KCNK16: variants seen among roughly 807,000 people sequenced by gnomAD.
KCNK16 encodes the protein potassium channel subfamily K member 16.
In KCNK16, 23 loss-of-function variants were observed where a neutral mutation model predicts 23.0. The ratio of observed to expected loss-of-function variants is 1.00; its 90% CI spans 0.72 to 1.41. The LOEUF is 1.41. Ranked by LOEUF, KCNK16 falls within the 40% of genes most tolerant of loss-of-function variation. The pLI is 0.00. For missense variants in KCNK16, 327 were observed against 365.8 expected (o/e 0.89, Z 0.87); for synonymous variants, 145 against 153.5 (o/e 0.94, Z 0.41).
chr6:39,317,791 A>T lies in KCNK16; in HGVS notation c.490T>A (p.Ser164Thr). The change falls in exon 3 of 5, where the codon TCC becomes ACC. Residue 164 changes from serine to threonine, a missense_variant. Transcript: ENST00000437525. ...IERWEDRPRR[S>T]QVLQVLGLAL... is the part of the protein sequence containing the mutation. ...AAGGGAGTTAGGGGGCATACCTGGG[A>T]GCGCCTGGGACGGTCCTCCCATCTT... The T allele has an allele frequency of 1.3e-6, 2 of 1,591,922 alleles. No individual in the cohort carries two copies. Among genetic ancestry groups the T allele is most frequent in the Non-Finnish European group, 1.7e-6 (2 of 1,169,286 alleles).
Position 39,316,176 on chromosome 6 carries a change from AC to A in KCNK16, c.*42del, listed in dbSNP as rs1167206095. On this transcript the variant is annotated 3_prime_UTR_variant, in exon 5 of 5. Coordinates refer to ENST00000437525, the MANE Select transcript of KCNK16 (RefSeq NM_001135106.2). ...AAATCCAGAGAGCAGATAGGGTGGG[AC>A]TGGGGAGGATGAAAGGGGTTTCTGG... 2.0e-6 allele frequency: 3 copies of A among 1,479,878 alleles called. No individual in the cohort carries two copies. In the South Asian group the frequency reaches 4.1e-5, roughly 20 times the overall value. The allele number at this position is 1,479,878 out of a possible 1,614,324, so 91.7% of individuals were successfully genotyped here.
chr6:39,314,672 G>A, downstream of KCNK16: 1 of 408,446 alleles, frequency 2.4e-6, no homozygotes, highest in Admixed American at 4.0e-5. Flanking sequence ...ACAATGGGAG[G>A]GACTTCTGGA....
Position 39,319,081 on chromosome 6 carries a change from T to G in KCNK16, c.266A>C (p.Asn89Thr). 1 of 1,613,862 alleles carries G rather than the reference T, an allele frequency of 6.2e-7. No homozygotes were observed. Among genetic ancestry groups the G allele is most frequent in the East Asian group, 2.2e-5 (1 of 44,864 alleles). ...KGVNPKGNST[N>T]PSNWDFGSSF... ...GCTGCCAAAGTCCCAGTTGCTGGGG[T>G]TGGTAGAGTTGCCTTTGGGGTTCAC... is the stretch of plus-strand genomic sequence containing the variant. Residue 89 changes from asparagine to threonine, a missense_variant, in exon 2 of 5, where the codon AAC (asparagine) becomes ACC (threonine). By Grantham distance (65) the Asn-to-Thr change is moderately conservative (BLOSUM62 0). Coordinates refer to ENST00000437525, the MANE Select transcript of KCNK16 (RefSeq NM_001135106.2). The surrounding 1 kb of genome is among the most constrained non-coding windows in gnomAD (Gnocchi z 4.2).
chr6:39,317,993 G>A (rs1301447383), intron 2 of KCNK16, 41 bp from the exon 3 acceptor site: 2 of 1,541,924 alleles, frequency 1.3e-6, no homozygotes, highest in South Asian at 1.2e-5. Context: ...GGAGACTCTA[G>A]AACGCCCTCT....
At chr6:39,315,820 C>T (rs574078338), downstream of KCNK16, among the ~76,000 whole-genome samples, 1 of 152,308 alleles carries the variant, frequency 6.6e-6, no homozygotes, top group African/African-American at 2.4e-5. Context: ...GACCCTGGCA[C>T]AGCACCTGGC....
In KCNK16 at chr6:39,317,775, A is replaced by AGG. The variant is rs946776823; in HGVS notation, c.495+9_495+10dup. The AGG allele has an allele frequency of 6.4e-7, 1 of 1,573,812 alleles. No homozygotes were observed. The highest frequency in any genetic ancestry group is 1.9e-5 in the Admixed American group (1 of 53,020). ...GTCACAGCAGGCCTGTAAGGGAGTT[A>AGG]GGGGGCATACCTGGGAGCGCCTGGG... On this transcript the variant is annotated intron_variant, in intron 3 of 4. Coordinates refer to ENST00000437525, the MANE Select transcript of KCNK16 (RefSeq NM_001135106.2).
Position 39,317,897 on chromosome 6 carries a change from A to C in KCNK16, c.384T>G (p.Tyr128Ter), listed in dbSNP as rs771733614. 1.9e-6 allele frequency: 3 copies of C among 1,613,642 alleles called. No homozygotes were observed. Among genetic ancestry groups the C allele is most frequent in the African/African-American group, 2.7e-5 (2 of 74,932 alleles). The part of the protein sequence containing the change: ...TEAGQVFCVF[Y>*]ALLGIPLNVI... ...CGTTAAGCGGGATGCCCAACAGGGC[A>C]TAGAAGACACAGAAGACCTGACCTG... is the stretch of plus-strand genomic sequence containing the variant. Residue 128 changes from tyrosine to a stop codon, truncating the protein, a stop_gained, in exon 3 of 5, where the codon TAT (tyrosine) becomes TAG (stop). Coordinates refer to ENST00000437525, the MANE Select transcript of KCNK16 (RefSeq NM_001135106.2). LOFTEE classifies it high-confidence loss of function.
chr6:39,317,781 C>A lies in KCNK16; in HGVS notation c.495+5G>T. ...GCAGGCCTGTAAGGGAGTTAGGGGG[C>A]ATACCTGGGAGCGCCTGGGACGGTC... is the stretch of plus-strand genomic sequence containing the variant. On this transcript the variant is annotated splice_donor_5th_base_variant and intron_variant, in intron 3 of 4. Coordinates refer to ENST00000437525, the MANE Select transcript of KCNK16 (RefSeq NM_001135106.2). The A allele has an allele frequency of 1.3e-6, 2 of 1,580,940 alleles. No individual in the cohort carries two copies. Among genetic ancestry groups the A allele is most frequent in the Non-Finnish European group, 1.7e-6 (2 of 1,163,738 alleles).
downstream of KCNK16, chr6:39,315,537 C>T (rs532795493): frequency 5.0e-5 from 55 of 1,102,688 alleles, no homozygotes; most frequent in South Asian, 7.4e-4. Context: ...GGGGAGCTGG[C>T]GAGCTTTGAG....
In KCNK16 at chr6:39,319,439, C is replaced by T. The variant is rs532212284; in HGVS notation, c.214-306G>A. Among the ~76,000 whole-genome samples, 2 of 152,178 alleles carry T rather than the reference C, an allele frequency of 1.3e-5. No homozygotes were observed. The highest frequency in any genetic ancestry group is 4.1e-4 in the South Asian group (2 of 4,824). On this transcript the variant is annotated intron_variant, in intron 1 of 4. Coordinates refer to ENST00000437525, the MANE Select transcript of KCNK16 (RefSeq NM_001135106.2). This position sits in a 1 kb window ranked among gnomAD's most constrained non-coding sequence, Gnocchi z 4.2. ...GGCCTGAGGGGTGAGGTGGAGGATG[C>T]TCAGGGAGGGGTCCCGTGGGAGATG...
downstream of KCNK16, chr6:39,315,037 C>T (rs147542213): frequency 3.1e-6 from 5 of 1,613,024 alleles, no homozygotes; most frequent in Non-Finnish European, 4.2e-6. Context: ...ATGGGGAAGT[C>T]CTGGGGTGTG....
At chr6:39,315,302 C>T, downstream of KCNK16, 1 of 1,559,826 alleles carries the variant, frequency 6.4e-7, no homozygotes, top group Non-Finnish European at 8.7e-7. Flanking sequence ...TGAGAGAGGC[C>T]AGACGTTCAT....
At chr6:39,316,746 C>A (rs369191936) in intron 4 of KCNK16, 36 bp downstream of exon 4, 1 of 1,598,202 alleles carries the variant, frequency 6.3e-7, no homozygotes, top group South Asian at 1.1e-5. Flanking sequence ...CAGTGGGCAC[C>A]CCCACCCTGA....
chr6:39,318,035 G>A (rs1762393298), intron 2 of KCNK16, 83 bp from the exon 3 acceptor site: 3 of 1,363,572 alleles, frequency 2.2e-6, no homozygotes, highest in Non-Finnish European at 2.9e-6. Context: ...GCTGAGGTTT[G>A]TCTGTCACCA....
At chr6:39,317,072 C>A in intron 3 of KCNK16, 125 bp from the exon 4 acceptor site, 2 of 936,216 alleles carry the variant, frequency 2.1e-6, no homozygotes, top group Non-Finnish European at 3.2e-6. Flanking sequence ...TCCTGCACTG[C>A]AGACCCTCGA....
In KCNK16 at chr6:39,316,692, C is replaced by T. The variant is rs966686254; in HGVS notation, c.661+90G>A. 9.6e-6 allele frequency: 14 copies of T among 1,456,470 alleles called. No homozygotes were observed. In the African/African-American group the frequency reaches 1.8e-4, roughly 19 times the overall value. The allele number at this position is 1,456,470 out of a possible 1,614,324, so 90.2% of individuals were successfully genotyped here. A position where few individuals can be genotyped will look rare whatever the true frequency, so the allele number is the denominator to read the frequency against. ...TTGAATGACCAAGGGCTATCTTATC[C>T]TCAATAGTTGTCCTCAGCTGACATC... On this transcript the variant is annotated intron_variant, in intron 4 of 4. Coordinates refer to ENST00000437525, the MANE Select transcript of KCNK16 (RefSeq NM_001135106.2).
chr6:39,321,424 G>C (rs563096066), intron 1 of KCNK16, among the ~76,000 whole-genome samples: 13 of 152,318 alleles, frequency 8.5e-5, no homozygotes, highest in African/African-American at 3.1e-4. Flanking sequence ...GATTGTAATA[G>C]GTAATTATGA....
chr6:39,322,522 A>G lies in KCNK16; in HGVS notation c.19T>C (p.Cys7Arg), dbSNP rs752652448. The change falls in exon 1 of 5, where the codon TGC (cysteine) becomes CGC (arginine). Residue 7 changes from cysteine (C) to arginine (R), a missense_variant. Cys to Arg is a radical substitution (Grantham distance 180). Transcript: ENST00000437525. MPSAGL[C>R]SCWGGRVLPL... ...AGCACCCGGCCACCCCAGCAGCTGC[A>G]GAGCCCAGCACTGGGCATGCTGTGG... 4 of 1,604,636 alleles carry G rather than the reference A, an allele frequency of 2.5e-6. No individual in the cohort carries two copies. In the African/African-American group the frequency reaches 5.3e-5, roughly 21 times the overall value.
rs149517243 is a variant in KCNK16, at chr6:39,317,491, A to G, written c.495+295T>C. On this transcript the variant is annotated intron_variant, in intron 3 of 4. Coordinates refer to ENST00000437525, the MANE Select transcript of KCNK16 (RefSeq NM_001135106.2). Reference sequence around the variant, plus strand: ...GCCTAGGGGCATACCCTTCCTGGGAAGGCCACACCCAGTGCCTGATTGAGG... The same window carrying G: ...GCCTAGGGGCATACCCTTCCTGGGAGGGCCACACCCAGTGCCTGATTGAGG... 8.7e-4 allele frequency among the ~76,000 whole-genome samples: 133 copies of G among 152,302 alleles called. No individual in the cohort carries two copies. The Middle Eastern group carries it at 0.014, about 16-fold the overall frequency.
Sources: gnomAD v4.1 joint callset for allele counts (sites outside exome capture counted in the v4.1 genomes callset) on GRCh38, gnomAD v4.1.1 for gene constraint, Gnocchi (gnomAD v3.1) non-coding constraint, MANE v1.5 for transcripts, NCBI Gene and HGNC (gene_info 2026-07-23, HGNC 2026-07-21) for gene names.